MEI4: variants seen among roughly 807,000 people sequenced by gnomAD.
MEI4 encodes meiosis-specific protein MEI4.
In MEI4, 27 loss-of-function variants were observed where a neutral mutation model predicts 31.4. The ratio of observed to expected loss-of-function variants is 0.86; its 90% CI spans 0.63 to 1.19. The LOEUF (loss-of-function observed/expected upper bound fraction) is 1.19. MEI4 is among the 50% of genes most tolerant of loss of function. The pLI is 0.00. For synonymous variants in MEI4, 122 were observed against 145.4 expected (o/e 0.84, Z 1.16); for missense variants, 329 against 398.9 (o/e 0.82, Z 1.49).
chr6:77,822,546 G>A (rs1256815158), intron 3 of MEI4, among the ~76,000 whole-genome samples: 1 of 151,642 alleles, frequency 6.6e-6, no homozygotes. Context: ...TTGTATGAGA[G>A]TTAAATGTTT....
At chr6:77,699,487 C>G (rs1320450614) in intron 2 of MEI4, among the ~76,000 whole-genome samples, 5 of 152,104 alleles carry the variant, frequency 3.3e-5, no homozygotes, top group African/African-American at 1.2e-4. Context: ...CCACCGCGCC[C>G]GGCCCAAAGT....
chr6:77,907,117 G>T (rs530476529), intron 4 of MEI4, among the ~76,000 whole-genome samples: 12 of 151,784 alleles, frequency 7.9e-5, no homozygotes, highest in African/African-American at 2.9e-4. Flanking sequence ...AATAAAACAT[G>T]GGAGAATATT....
chr6:77,657,389 G>A (rs1031056234), intron 1 of MEI4, among the ~76,000 whole-genome samples: 1 of 152,144 alleles, frequency 6.6e-6, no homozygotes, highest in African/African-American at 2.4e-5. Context: ...ACCTAGGATT[G>A]GAATCATATT....
At chr6:77,771,480 A>T (rs1421115090) in intron 3 of MEI4, among the ~76,000 whole-genome samples, 1 of 152,180 alleles carries the variant, frequency 6.6e-6, no homozygotes, top group Non-Finnish European at 1.5e-5. Flanking sequence ...ATAAAGACAG[A>T]TGCATGCATG....
intron 4 of MEI4, among the ~76,000 whole-genome samples, chr6:77,856,758 A>G (rs554961506): frequency 7.0e-4 from 106 of 152,078 alleles, no homozygotes; most frequent in African/African-American, 2.2e-3. Flanking sequence ...TTTAAATATC[A>G]TCTCATCTTA....
intron 4 of MEI4, among the ~76,000 whole-genome samples, chr6:77,850,157 A>G (rs562508268): frequency 6.6e-6 from 1 of 152,292 alleles, no homozygotes; most frequent in African/African-American, 2.4e-5. Context: ...TTCTCCTTGA[A>G]GAGGTCCTTC....
intron 4 of MEI4, among the ~76,000 whole-genome samples, chr6:77,865,267 C>G (rs908890289): frequency 6.6e-6 from 1 of 152,036 alleles, no homozygotes; most frequent in African/African-American, 2.4e-5. Flanking sequence ...CACAAAAAAC[C>G]CTTCAAAAAA....
chr6:77,888,741 A>G (rs996314016), intron 4 of MEI4, among the ~76,000 whole-genome samples: 10 of 152,048 alleles, frequency 6.6e-5, no homozygotes, highest in African/African-American at 2.2e-4. Context: ...ATTTGATACT[A>G]ATATGGCCTG....
At chr6:77,678,656 T>C (rs1043398372) in intron 1 of MEI4, among the ~76,000 whole-genome samples, 1 of 152,110 alleles carries the variant, frequency 6.6e-6, no homozygotes, top group Non-Finnish European at 1.5e-5. Context: ...TGAATAAATA[T>C]GTTATTTGAT....
chr6:77,659,933 G>A (rs901913491), intron 1 of MEI4, among the ~76,000 whole-genome samples: 4 of 152,180 alleles, frequency 2.6e-5, no homozygotes, highest in Admixed American at 2.6e-4. Flanking sequence ...AATATGGGGG[G>A]AGTAGAGTTA....
chr6:77,788,535 G>C (rs1420980509), intron 3 of MEI4, among the ~76,000 whole-genome samples: 1 of 152,136 alleles, frequency 6.6e-6, no homozygotes. Context: ...TCCTTAAGCT[G>C]ATAGGCAACT....
intron 4 of MEI4, among the ~76,000 whole-genome samples, chr6:77,889,126 AT>A (rs1771696529): frequency 6.6e-6 from 1 of 152,140 alleles, no homozygotes; most frequent in Non-Finnish European, 1.5e-5. Flanking sequence ...AGAGAGTGGG[AT>A]GCTGTTGTAA....
intron 2 of MEI4, among the ~76,000 whole-genome samples, chr6:77,754,808 AG>A (rs1034114436): frequency 6.6e-6 from 1 of 152,124 alleles, no homozygotes; most frequent in African/African-American, 2.4e-5. Flanking sequence ...GAAGGGGGAA[AG>A]AGCCCCTTAT....
intron 3 of MEI4, among the ~76,000 whole-genome samples, chr6:77,782,053 G>T (rs149411538): frequency 6.6e-6 from 1 of 152,216 alleles, no homozygotes; most frequent in East Asian, 1.9e-4. Context: ...CAGAAGAATT[G>T]ACCTTTTCCT....
intron 4 of MEI4, among the ~76,000 whole-genome samples, chr6:77,876,449 C>T (rs1467223906): frequency 2.0e-5 from 3 of 152,094 alleles, no homozygotes; most frequent in Non-Finnish European, 4.4e-5. Context: ...CATGGGATGG[C>T]CTTCACCAGA....
intron 4 of MEI4, among the ~76,000 whole-genome samples, chr6:77,863,571 A>G (rs1404240141): frequency 3.3e-5 from 5 of 152,214 alleles, no homozygotes; most frequent in Non-Finnish European, 7.4e-5. Context: ...TCCAAGAAAT[A>G]TGGGACTATG....
intron 2 of MEI4, among the ~76,000 whole-genome samples, chr6:77,694,512 G>A (rs1009225605): frequency 2.6e-5 from 4 of 151,442 alleles, no homozygotes; most frequent in Admixed American, 2.6e-4. Context: ...AACATAAGGT[G>A]TTTGGTTTTT....
At chr6:77,827,919 A>T (rs575237731) in intron 3 of MEI4, among the ~76,000 whole-genome samples, 8 of 152,292 alleles carry the variant, frequency 5.3e-5, no homozygotes, top group African/African-American at 1.9e-4. Flanking sequence ...AGAGCTCTTT[A>T]TGATGAAATT....
At chr6:77,894,201 A>G (rs1418341132) in intron 4 of MEI4, among the ~76,000 whole-genome samples, 1 of 152,072 alleles carries the variant, frequency 6.6e-6, no homozygotes, top group Non-Finnish European at 1.5e-5. Context: ...ATAATATCAT[A>G]TACTTGTATG....
Sources: allele counts gnomAD v4.1 joint callset (sites outside exome capture counted in the v4.1 genomes callset), GRCh38; gene constraint gnomAD v4.1.1; transcripts MANE v1.5; gene names NCBI Gene and HGNC (gene_info 2026-07-23, HGNC 2026-07-21).